Variants in GABRG3 observed in about 807,000 individuals in gnomAD.
The protein encoded by GABRG3 is gamma-aminobutyric acid receptor subunit gamma-3.
A neutral mutation model predicts 48.8 loss-of-function variants in GABRG3; 25 were observed. The ratio of observed to expected loss-of-function variants is 0.51; its 90% CI spans 0.37 to 0.72. GABRG3 has a LOEUF of 0.72. GABRG3 is among the 30% of genes least tolerant of loss of function. The pLI is 0.00. For missense variants in GABRG3, 394 were observed against 577.9 expected, an observed-to-expected ratio of 0.68 and a Z score of 3.26; for synonymous variants, 227 against 217.6, an observed-to-expected ratio of 1.04 and a Z score of -0.38.
intron 3 of GABRG3, among the ~76,000 whole-genome samples, chr15:27,187,448 G>T (rs1888133809): frequency 6.6e-6 from 1 of 152,076 alleles, no homozygotes; most frequent in African/African-American, 2.4e-5. Flanking sequence ...GAAGAAAATG[G>T]CATTGGTAGT....
At chr15:27,112,442 A>T (rs1290299900) in intron 3 of GABRG3, among the ~76,000 whole-genome samples, 3 of 137,638 alleles carry the variant, frequency 2.2e-5, no homozygotes, top group Non-Finnish European at 3.1e-5. Flanking sequence ...TATTTCATTG[A>T]TTTTTTTTTT....
chr15:27,388,319 AAAAG>A (rs1896089802), intron 5 of GABRG3, among the ~76,000 whole-genome samples: 7 of 37,022 alleles, frequency 1.9e-4, no homozygotes, highest in Non-Finnish European at 3.0e-4. Flanking sequence ...GGAGGGAGGG[AAAAG>A]AAGGAAGGAA....
chr15:27,176,071 G>A (rs1382733661), intron 3 of GABRG3, among the ~76,000 whole-genome samples: 3 of 151,532 alleles, frequency 2.0e-5, no homozygotes, highest in Admixed American at 6.6e-5. Context: ...AGCCAAAAAT[G>A]CATTCTATAG....
At chr15:27,221,672 A>C (rs1207205365) in intron 3 of GABRG3, among the ~76,000 whole-genome samples, 2 of 152,156 alleles carry the variant, frequency 1.3e-5, no homozygotes, top group African/African-American at 4.8e-5. Context: ...GTCTTGTTAC[A>C]ACCAAGTAGC....
In GABRG3 at chr15:27,446,912, A is replaced by G. The variant is rs1402575452; in HGVS notation, c.575-33738A>G. Among the ~76,000 whole-genome samples the G allele has an allele frequency of 2.6e-5, 4 of 152,080 alleles. No homozygotes were observed. The South Asian group carries it at 8.3e-4, about 32-fold the overall frequency. On this transcript the variant is annotated intron_variant, in intron 5 of 9. Transcript: ENST00000615808. Reference sequence around the variant, plus strand: ...ACCCCCAACACACATTCACACACATATACTCATGCCCGCACCGACTCACAC... The same window carrying G: ...ACCCCCAACACACATTCACACACATGTACTCATGCCCGCACCGACTCACAC...
At chr15:27,148,093 CGCA>C (rs1898242838) in intron 3 of GABRG3, among the ~76,000 whole-genome samples, 1 of 151,686 alleles carries the variant, frequency 6.6e-6, no homozygotes, top group Admixed American at 6.6e-5. Flanking sequence ...AAAGAGTAGA[CGCA>C]CATTACTTAA....
intron 3 of GABRG3, among the ~76,000 whole-genome samples, chr15:27,071,435 TG>T (rs1042334579): frequency 6.6e-6 from 1 of 152,224 alleles, no homozygotes; most frequent in African/African-American, 2.4e-5. Flanking sequence ...TTGCTTTTGC[TG>T]GTAAATGCAG....
chr15:27,055,027 T>A (rs962635923), intron 3 of GABRG3, among the ~76,000 whole-genome samples: 4 of 134,164 alleles, frequency 3.0e-5, no homozygotes, highest in African/African-American at 6.1e-5. Flanking sequence ...TTTTTTTTTT[T>A]AAATGACTTG....
intron 3 of GABRG3, among the ~76,000 whole-genome samples, chr15:27,282,119 T>A (rs936496406): frequency 2.6e-5 from 4 of 152,166 alleles, no homozygotes; most frequent in African/African-American, 9.7e-5. Flanking sequence ...CCCATGAGTG[T>A]TTGTTTCTCT....
chr15:27,181,195 C>T (rs1887919457), intron 3 of GABRG3, among the ~76,000 whole-genome samples: 1 of 152,134 alleles, frequency 6.6e-6, no homozygotes, highest in South Asian at 2.1e-4. Context: ...GCTAGCTGCC[C>T]ACGAGCACAG....
chr15:26,989,771 CCCT>C (rs1395496288), intron 2 of GABRG3, among the ~76,000 whole-genome samples: 8 of 152,060 alleles, frequency 5.3e-5, no homozygotes, highest in Admixed American at 3.9e-4. Context: ...CCCCACCTTC[CCCT>C]CCTCCTCACC....
chr15:27,417,300 C>T (rs1303285329), intron 5 of GABRG3, among the ~76,000 whole-genome samples: 3 of 152,138 alleles, frequency 2.0e-5, no homozygotes, highest in African/African-American at 4.8e-5. Context: ...TCTTAGTTGA[C>T]GTTCTTGAGA....
chr15:27,023,879 C>G (rs1007722708), intron 2 of GABRG3, among the ~76,000 whole-genome samples: 4 of 152,172 alleles, frequency 2.6e-5, no homozygotes, highest in Non-Finnish European at 5.9e-5. Context: ...AATCATCCTA[C>G]TATTTTCCAC....
chr15:26,987,919 A>G (rs1171996019), intron 2 of GABRG3, among the ~76,000 whole-genome samples: 1 of 152,176 alleles, frequency 6.6e-6, no homozygotes, highest in Non-Finnish European at 1.5e-5. Context: ...TTCTTTGACC[A>G]ATGTAGTATT....
At chr15:27,349,340 G>T (rs1894479660) in intron 5 of GABRG3, among the ~76,000 whole-genome samples, 1 of 152,090 alleles carries the variant, frequency 6.6e-6, no homozygotes, top group Non-Finnish European at 1.5e-5. Flanking sequence ...ACTTAGTTGG[G>T]CCTGAACGTA....
chr15:27,313,262 G>GTGTGTA (rs1430430961), intron 3 of GABRG3, among the ~76,000 whole-genome samples: 59 of 34,520 alleles, frequency 1.7e-3, no homozygotes, highest in Non-Finnish European at 2.2e-3. Context: ...GTGTGTGTGT[G>GTGTGTA]TATATATATA....
At chr15:27,037,354 A>G (rs1295205876) in intron 3 of GABRG3, among the ~76,000 whole-genome samples, 1 of 152,192 alleles carries the variant, frequency 6.6e-6, no homozygotes, top group Non-Finnish European at 1.5e-5. Flanking sequence ...AGAGAAACAC[A>G]AAGGGTGGCT....
Position 27,447,469 on chromosome 15 carries a change from G to C in GABRG3, c.575-33181G>C, listed in dbSNP as rs528025047. The stretch of plus-strand genomic sequence containing the variant: ...GTGAATAAACCTGAAGTGTCCAAGT[G>C]GGGGAGATGCCATAATTATAGTGAG... On this transcript the variant is annotated intron_variant, in intron 5 of 9. Transcript: ENST00000615808. The surrounding 1 kb of genome is among the most constrained non-coding windows in gnomAD (Gnocchi z 4.0). 2.0e-5 allele frequency among the ~76,000 whole-genome samples: 3 copies of C among 152,096 alleles called. No individual in the cohort carries two copies. Among genetic ancestry groups the C allele is most frequent in the East Asian group, 1.9e-4 (1 of 5,188 alleles).
chr15:27,042,818 T>A (rs891994869), intron 3 of GABRG3, among the ~76,000 whole-genome samples: 1 of 152,164 alleles, frequency 6.6e-6, no homozygotes, highest in South Asian at 2.1e-4. Flanking sequence ...TGGCCTGTCC[T>A]GGGAAGCTTT....
Sources: gnomAD v4.1 joint callset for allele counts (sites outside exome capture counted in the v4.1 genomes callset) on GRCh38, gnomAD v4.1.1 for gene constraint, Gnocchi (gnomAD v3.1) non-coding constraint, MANE v1.5 for transcripts, NCBI Gene and HGNC (gene_info 2026-07-23, HGNC 2026-07-21) for gene names.